BDP1: variants seen among roughly 807,000 people sequenced by gnomAD.
The protein encoded by BDP1 is BDP1 general transcription factor IIIB subunit.
Under a neutral mutation model 266.6 loss-of-function variants are expected in BDP1, and 169 were observed. That is an observed-to-expected ratio of 0.63 (90% CI 0.56 to 0.72). BDP1 has a LOEUF of 0.72. Among genes scored for constraint, BDP1 ranks in the 30% least tolerant of loss-of-function variants. The pLI is 0.00. For missense variants in BDP1, 3,015 were observed against 3,053.8 expected (o/e 0.99, Z 0.30); for synonymous variants, 1,090 against 1,022.4 (o/e 1.07, Z -1.26).
chr5:71,461,843 A>G lies in BDP1; in HGVS notation c.516A>G (p.Ile172Met). 1 of 1,604,882 alleles carries G rather than the reference A, an allele frequency of 6.2e-7. No homozygotes were observed. Among genetic ancestry groups the G allele is most frequent in the Non-Finnish European group, 8.5e-7 (1 of 1,173,882 alleles). ...EKKQWKNKYAINESQRPPDRS... is the reference protein window; with the variant it reads ...EKKQWKNKYAMNESQRPPDRS... ...AACAATGGAAAAACAAATATGCTAT[A>G]AATGAAAGTCAGAGGCCACCAGATC... Residue 172 changes from isoleucine to methionine, a missense_variant, in exon 3 of 39, where the codon ATA becomes ATG. Coordinates refer to ENST00000358731, the MANE Select transcript of BDP1 (RefSeq NM_018429.3).
chr5:71,463,148 A>G (rs1311990982), intron 3 of BDP1, among the ~76,000 whole-genome samples: 1 of 152,136 alleles, frequency 6.6e-6, no homozygotes, highest in Non-Finnish European at 1.5e-5. Context: ...TGGAATTTCT[A>G]TTTTTAACAT....
chr5:71,467,328 T>A, intron 5 of BDP1, 26 bp from the exon 6 acceptor site: 5 of 1,545,462 alleles, frequency 3.2e-6, no homozygotes, highest in Non-Finnish European at 4.4e-6. Flanking sequence ...TTAGTATACA[T>A]CTATTTAAAA....
rs552703453 is a variant in BDP1 at position 71,499,178 on chromosome 5, C to A, written c.1956+1752C>A. Among the ~76,000 whole-genome samples the A allele has an allele frequency of 2.0e-5, 3 of 152,336 alleles. No individual in the cohort carries two copies. The South Asian group carries it at 6.2e-4, about 32-fold the overall frequency. On this transcript the variant is annotated intron_variant, in intron 13 of 38. Coordinates refer to ENST00000358731, the MANE Select transcript of BDP1 (RefSeq NM_018429.3). ...GCGATGGCGTGATCTCGGCTCACCG[C>A]AACCTCTGCCTCCTGGGTTCAAGAG...
At chr5:71,529,632 A>G (rs1766112361) in intron 25 of BDP1, among the ~76,000 whole-genome samples, 2 of 152,258 alleles carry the variant, frequency 1.3e-5, no homozygotes, top group Admixed American at 6.5e-5. Flanking sequence ...TTGAGGTTAC[A>G]GTAAGCTACA....
intron 7 of BDP1, among the ~76,000 whole-genome samples, chr5:71,479,928 GTC>G (rs1289883793): frequency 1.6e-5 from 2 of 121,648 alleles, no homozygotes; most frequent in Non-Finnish European, 3.8e-5. Context: ...TAATTTTTTG[GTC>G]TCCGTCACGG....
chr5:71,498,598 A>ATT, intron 13 of BDP1, among the ~76,000 whole-genome samples: 1 of 147,298 alleles, frequency 6.8e-6, no homozygotes, highest in African/African-American at 2.5e-5. Context: ...TAATTTTTGT[A>ATT]TTTTTAGTAG....
Position 71,562,536 on chromosome 5 carries a change from TG to T in BDP1, c.7743+17del. Reference sequence around the variant, plus strand: ...AGCAACTCAGGTATGTGATAACTACTGTATTTTATAGTTTGTATGAGATGGG... The same window carrying T: ...AGCAACTCAGGTATGTGATAACTACTTATTTTATAGTTTGTATGAGATGGG... On this transcript the variant is annotated intron_variant, in intron 38 of 38. Coordinates refer to ENST00000358731, the MANE Select transcript of BDP1 (RefSeq NM_018429.3). 1 of 1,609,508 alleles carries T rather than the reference TG, an allele frequency of 6.2e-7. No homozygotes were observed. The highest frequency in any genetic ancestry group is 1.1e-5 in the South Asian group (1 of 90,626).
intron 37 of BDP1, 32 bp downstream of exon 37, chr5:71,560,269 GCTCT>G: frequency 6.2e-7 from 1 of 1,602,472 alleles, no homozygotes; most frequent in Non-Finnish European, 8.5e-7. Flanking sequence ...TAAGTGTTTT[GCTCT>G]CTGTCTTAAT....
chr5:71,553,696 T>TATC lies in BDP1; in HGVS notation c.7200+394_7200+396dup, dbSNP rs146479633. Among the ~76,000 whole-genome samples, 93 of 151,842 alleles carry TATC rather than the reference T, an allele frequency of 6.1e-4. 1 individual carries two copies. Among genetic ancestry groups the TATC allele is most frequent in the African/African-American group, 1.9e-3 (80 of 41,490 alleles). Reference sequence around the variant, plus strand: ...CTAATATGTAAAATGATAATACTAGTATCATCATCATCATCATCATGCCTA... The same window carrying TATC: ...CTAATATGTAAAATGATAATACTAGTATCATCATCATCATCATCATCATGCCTA... On this transcript the variant is annotated intron_variant, in intron 35 of 38. Transcript: ENST00000358731.
intron 7 of BDP1, among the ~76,000 whole-genome samples, chr5:71,472,883 TC>T (rs1762335409): frequency 7.6e-6 from 1 of 131,454 alleles, no homozygotes; most frequent in Non-Finnish European, 1.6e-5. Flanking sequence ...ATTTTCTCTC[TC>T]TCTCTTTTTT....
At position 71,543,724 on chromosome 5, in the gene BDP1, G is replaced by T. The variant is rs115726696; in HGVS notation, c.6413-633G>T. Among the ~76,000 whole-genome samples the T allele has an allele frequency of 2.4e-3, 368 of 152,292 alleles. 2 individuals carry two copies. Among genetic ancestry groups the T allele is most frequent in the African/African-American group, 8.5e-3 (354 of 41,558 alleles). On this transcript the variant is annotated intron_variant, in intron 30 of 38. Transcript: ENST00000358731. ...AAATGGTGGGCAACCCCAACTACAG[G>T]TGTCAACCTGTAATACATATCAAGC...
chr5:71,479,767 C>T (rs187254856), intron 7 of BDP1, among the ~76,000 whole-genome samples: 122 of 150,970 alleles, frequency 8.1e-4, no homozygotes, highest in South Asian at 2.1e-4. Context: ...AGGATGGTCT[C>T]GATCTCCTGA....
chr5:71,549,892 G>C (rs945078865), intron 34 of BDP1, among the ~76,000 whole-genome samples: 1 of 152,226 alleles, frequency 6.6e-6, no homozygotes, highest in Non-Finnish European at 1.5e-5. Flanking sequence ...CCTGTTAAAA[G>C]TGTGGTTACT....
At chr5:71,523,141 A>T (rs1331611781) in intron 24 of BDP1, among the ~76,000 whole-genome samples, 192 bp downstream of exon 24, 1 of 152,208 alleles carries the variant, frequency 6.6e-6, no homozygotes, top group East Asian at 1.9e-4. Context: ...ACAAACACAA[A>T]TAAAGAATAC....
intron 11 of BDP1, among the ~76,000 whole-genome samples, chr5:71,492,143 A>G (rs1158853801): frequency 1.3e-5 from 2 of 152,236 alleles, no homozygotes; most frequent in Non-Finnish European, 2.9e-5. Flanking sequence ...GTACATGTAT[A>G]GACCACATTT....
chr5:71,542,121 G>A lies in BDP1; in HGVS notation c.6268G>A (p.Val2090Met), dbSNP rs755390646. ...ATPTRNTISK[V>M]TSNLRIRSRL... The stretch of plus-strand genomic sequence containing the variant: ...TGTTTTTAGGAATACAATTTCTAAA[G>A]TGACCAGTAATTTGAGAATAAGAAG... Residue 2090 changes from valine to methionine, a missense_variant, in exon 30 of 39, where the codon GTG (valine) becomes ATG (methionine). Val to Met is a conservative substitution (Grantham distance 21, BLOSUM62 1). This residue lies in a region of BDP1 where 629 missense variants were observed against 632.5 expected (regional missense o/e 0.99). Coordinates refer to ENST00000358731, the MANE Select transcript of BDP1 (RefSeq NM_018429.3). 3.1e-6 allele frequency: 5 copies of A among 1,602,368 alleles called. No homozygotes were observed. The South Asian group carries it at 5.7e-5, about 18-fold the overall frequency.
chr5:71,552,064 G>T (rs1400304141), intron 34 of BDP1, among the ~76,000 whole-genome samples: 2 of 151,310 alleles, frequency 1.3e-5, no homozygotes, highest in African/African-American at 2.4e-5. Context: ...CTTCCCAGAC[G>T]GGGTGGCTGC....
rs1763838014 is a variant in BDP1 at position 71,495,583 on chromosome 5, T to A, written c.1799+175T>A. The stretch of plus-strand genomic sequence containing the variant: ...AGTCTGTTCAGAGTGTAACATCAGG[T>A]GTTTTACTTTATATTTCTTTGCAGA... On this transcript the variant is annotated intron_variant, in intron 12 of 38. Coordinates refer to ENST00000358731, the MANE Select transcript of BDP1 (RefSeq NM_018429.3). 2.0e-5 allele frequency among the ~76,000 whole-genome samples: 3 copies of A among 152,184 alleles called. No homozygotes were observed. The South Asian group carries it at 6.2e-4, about 31-fold the overall frequency.
In BDP1 at chr5:71,524,305, T is replaced by C. The variant is rs1464662669; in HGVS notation, c.5754T>C (p.Ile1918=). The change falls in exon 25 of 39, where the codon ATT becomes ATC. Residue 1918 remains isoleucine, a synonymous_variant. Coordinates refer to ENST00000358731, the MANE Select transcript of BDP1 (RefSeq NM_018429.3). The part of the protein sequence containing the change: ...LRSPEPVSAQ[I]EETMEELEIT... ...CTCCTGAACCTGTTTCTGCTCAGAT[T>C]GAGGAAACAATGGAAGAGGTTCGGT... 5.0e-6 allele frequency: 8 copies of C among 1,590,266 alleles called. No individual in the cohort carries two copies. Among genetic ancestry groups the C allele is most frequent in the Non-Finnish European group, 6.0e-6 (7 of 1,163,886 alleles).
Sources: allele counts gnomAD v4.1 joint callset (sites outside exome capture counted in the v4.1 genomes callset), GRCh38; gene constraint gnomAD v4.1.1; regional missense constraint gnomAD v4.1.1; transcripts MANE v1.5; gene names NCBI Gene and HGNC (gene_info 2026-07-23, HGNC 2026-07-21).